Variants in DGAT2 observed in about 807,000 individuals in gnomAD.
DGAT2 encodes acyl-CoA retinol O-fatty-acyltransferase.
DGAT2 carries 33 observed loss-of-function variants against 48.4 expected under a neutral mutation model. The observed-to-expected ratio is 0.68, with a 90% CI of 0.52 to 0.91. The LOEUF is 0.91. DGAT2 is among the 40% of genes least tolerant of loss of function. DGAT2 has a pLI of 0.00. For missense variants in DGAT2, 446 were observed against 493.7 expected (o/e 0.90, Z 0.92); for synonymous variants, 191 against 194.1 (o/e 0.98, Z 0.13).
At chr11:75,774,330 C>T (rs568497119) in intron 1 of DGAT2, among the ~76,000 whole-genome samples, 1 of 152,348 alleles carries the variant, frequency 6.6e-6, no homozygotes, top group African/African-American at 2.4e-5. Context: ...CCTCAGTCTC[C>T]TCATCTATGA....
At chr11:75,787,127 G>A (rs1212944414) in intron 2 of DGAT2, among the ~76,000 whole-genome samples, 1 of 152,110 alleles carries the variant, frequency 6.6e-6, no homozygotes, top group Non-Finnish European at 1.5e-5. Flanking sequence ...TTATTTATTT[G>A]TGTCATAAGT....
intron 4 of DGAT2, 83 bp downstream of exon 4, chr11:75,790,814 C>A: frequency 7.2e-7 from 1 of 1,392,696 alleles, no homozygotes; most frequent in Non-Finnish European, 1.0e-6. Flanking sequence ...CACAGGGAAG[C>A]AAGTTTAGAC....
intron 1 of DGAT2, among the ~76,000 whole-genome samples, chr11:75,783,940 C>T (rs1007778717): frequency 9.9e-5 from 15 of 152,244 alleles, no homozygotes; most frequent in African/African-American, 3.6e-4. Context: ...GGCTACTGGG[C>T]CCTTTGGGGA....
In DGAT2 at chr11:75,790,216, C is replaced by T; in HGVS notation, c.279C>T (p.Tyr93=). 6.2e-7 allele frequency: 1 copy of T among 1,614,152 alleles called. No individual in the cohort carries two copies. The highest frequency in any genetic ancestry group is 8.5e-7 in the Non-Finnish European group (1 of 1,180,008). The change falls in exon 3 of 8, where the codon TAC becomes TAT. Residue 93 remains tyrosine (Y), a synonymous_variant. Coordinates refer to ENST00000228027, the MANE Select transcript of DGAT2 (RefSeq NM_032564.5). ...LGVACSAILM[Y]IFCTDCWLIA... ...TGGCCTGCAGTGCCATCCTCATGTA[C>T]ATATTCTGCACTGATTGCTGGCTCA...
Position 75,784,089 on chromosome 11 carries a change from C to G in DGAT2, c.122-529C>G, listed in dbSNP as rs570346125. Among the ~76,000 whole-genome samples the G allele has an allele frequency of 6.6e-5, 10 of 152,062 alleles. No individual in the cohort carries two copies. The East Asian group carries it at 1.9e-3, about 29-fold the overall frequency. ...GGGGTGGGGGCAAGAGGGTTCAGCT[C>G]CTTGGAGAAGGGGTATTAGTCTGGG... is the stretch of plus-strand genomic sequence containing the variant. On this transcript the variant is annotated intron_variant, in intron 1 of 7. Coordinates refer to ENST00000228027, the MANE Select transcript of DGAT2 (RefSeq NM_032564.5).
At chr11:75,775,064 G>A (rs1237749470) in intron 1 of DGAT2, among the ~76,000 whole-genome samples, 2 of 152,232 alleles carry the variant, frequency 1.3e-5, no homozygotes, top group East Asian at 3.9e-4. Context: ...AAACCCAGGT[G>A]TATGGAGTAG....
chr11:75,798,483 G>A (rs1010432826), intron 7 of DGAT2, 54 bp downstream of exon 7: 1 of 1,588,154 alleles, frequency 6.3e-7, no homozygotes, highest in Non-Finnish European at 8.6e-7. Context: ...GTGCCATACA[G>A]CTAATCAGCA....
At chr11:75,791,436 C>G (rs751205657) in intron 4 of DGAT2, among the ~76,000 whole-genome samples, 15 of 152,160 alleles carry the variant, frequency 9.9e-5, no homozygotes, top group Non-Finnish European at 1.6e-4. Flanking sequence ...TTTCCTGACC[C>G]CATCTCTCTA....
chr11:75,790,607 C>T, intron 3 of DGAT2, 54 bp from the exon 4 acceptor site: 2 of 1,560,514 alleles, frequency 1.3e-6, no homozygotes, highest in Non-Finnish European at 1.8e-6. Context: ...GTCTTGTCTG[C>T]CTTGCCCAAA....
At position 75,790,286 on chromosome 11, in the gene DGAT2, C is replaced by T. The variant is rs763097741; in HGVS notation, c.349C>T (p.Pro117Ser). ...TTGGCTGGTGTTTGACTGGAACACA[C>T]CCAAGAAAGGTAAGTGCAAGGCCTC... ...FTWLVFDWNT[P>S]KKGGRRSQWV... The change falls in exon 3 of 8, where the codon CCC becomes TCC. Residue 117 changes from proline (P) to serine (S), a missense_variant. Transcript: ENST00000228027. The T allele has an allele frequency of 1.9e-6, 3 of 1,613,656 alleles. No homozygotes were observed. The East Asian group carries it at 6.7e-5, about 36-fold the overall frequency.
chr11:75,796,236 G>C, intron 4 of DGAT2, 92 bp from the exon 5 acceptor site: 2 of 1,112,460 alleles, frequency 1.8e-6, no homozygotes, highest in South Asian at 1.4e-5. Context: ...AGGTCCAGGG[G>C]AAATGACACA....
chr11:75,780,918 T>A (rs80128335), intron 1 of DGAT2, among the ~76,000 whole-genome samples: 147 of 152,368 alleles, frequency 9.6e-4, no homozygotes, highest in African/African-American at 3.3e-3. Flanking sequence ...CAGCCCTGCA[T>A]GGAGGGAACT....
At chr11:75,788,670 C>T (rs979677399) in intron 2 of DGAT2, among the ~76,000 whole-genome samples, 1 of 152,206 alleles carries the variant, frequency 6.6e-6, no homozygotes, top group South Asian at 2.1e-4. Context: ...GAGAGCATGA[C>T]ATCCAGAGCC....
At chr11:75,769,919 T>C (rs1944740467) in intron 1 of DGAT2, among the ~76,000 whole-genome samples, 1 of 152,194 alleles carries the variant, frequency 6.6e-6, no homozygotes, top group Non-Finnish European at 1.5e-5. Context: ...TAAGTCTGTA[T>C]TCTGTTTGCT....
chr11:75,774,941 G>A (rs1427199090), intron 1 of DGAT2, among the ~76,000 whole-genome samples: 1 of 152,130 alleles, frequency 6.6e-6, no homozygotes, highest in African/African-American at 2.4e-5. Flanking sequence ...CCAGGGTCCT[G>A]GATGTAGATC....
At chr11:75,793,526 C>T (rs1024358473) in intron 4 of DGAT2, 7 of 152,248 alleles carry the variant, frequency 4.6e-5, no homozygotes, top group African/African-American at 1.7e-4. Context: ...CTGTGACCTC[C>T]ACAGGGGAAT....
intron 1 of DGAT2, among the ~76,000 whole-genome samples, chr11:75,781,856 C>T (rs986787324): frequency 2.0e-5 from 3 of 152,186 alleles, no homozygotes; most frequent in Non-Finnish European, 4.4e-5. Flanking sequence ...GCGTGCGTTT[C>T]CTGCGCTATG....
intron 1 of DGAT2, among the ~76,000 whole-genome samples, chr11:75,774,891 GGTGGGGGAA>G (rs571882990): frequency 6.6e-6 from 1 of 152,172 alleles, no homozygotes; most frequent in Non-Finnish European, 1.5e-5. Flanking sequence ...CAGTGGGTGG[GGTGGGGGAA>G]GTGGGCCCCT....
chr11:75,799,063 G>A (rs764137137), intron 7 of DGAT2, among the ~76,000 whole-genome samples: 30 of 152,228 alleles, frequency 2.0e-4, no homozygotes, highest in Admixed American at 3.9e-4. Flanking sequence ...GTGTGTGCAT[G>A]TTAATGGATC....
Sources: gnomAD v4.1 joint callset for allele counts (sites outside exome capture counted in the v4.1 genomes callset) on GRCh38, gnomAD v4.1.1 for gene constraint, MANE v1.5 for transcripts, NCBI Gene and HGNC (gene_info 2026-07-23, HGNC 2026-07-21) for gene names.